The following SDK1 variants were observed in gnomAD, a reference collection of about 807,000 sequenced individuals.
SDK1 encodes protein sidekick-1.
Under a neutral mutation model 245.5 loss-of-function variants are expected in SDK1, and 157 were observed. The observed-to-expected ratio is 0.64, with a 90% CI of 0.56 to 0.73. The LOEUF (loss-of-function observed/expected upper bound fraction) is 0.73. Ranked by LOEUF, SDK1 falls within the 30% of genes least tolerant of loss-of-function variation. The probability of loss-of-function intolerance (pLI) is 0.00; values close to 1 mark genes in which losing one functional copy is unlikely to be tolerated. For synonymous variants in SDK1, 1,647 were observed against 1,278.5 expected (o/e 1.29, Z -6.15); for missense variants, 3,583 against 3,002.3 (o/e 1.19, Z -4.52).
At position 3,478,434 on chromosome 7, in the gene SDK1, A is replaced by G. The variant is rs117529088; in HGVS notation, c.299-140646A>G. ...CAATTTGGGGAAAATTTTTGAGAAC[A>G]TAACTATGGTAATTATTAGAAAAAT... On this transcript the variant is annotated intron_variant, in intron 1 of 44. Transcript: ENST00000404826. 2.9e-3 allele frequency among the ~76,000 whole-genome samples: 449 copies of G among 152,240 alleles called. 3 individuals are homozygous for G. The East Asian group carries it at 0.038, about 13-fold the overall frequency.
At chr7:3,500,503 GAAGTT>G (rs1782163204) in intron 1 of SDK1, among the ~76,000 whole-genome samples, 1 of 152,096 alleles carries the variant, frequency 6.6e-6, no homozygotes, top group Non-Finnish European at 1.5e-5. Flanking sequence ...TTGCTGTTGA[GAAGTT>G]AAGAGTCATT....
intron 1 of SDK1, among the ~76,000 whole-genome samples, chr7:3,406,550 C>G (rs1220851423): frequency 1.3e-5 from 2 of 152,116 alleles, no homozygotes; most frequent in East Asian, 1.9e-4. Flanking sequence ...TCTACTTGAG[C>G]TTTGGTTAGT....
intron 1 of SDK1, among the ~76,000 whole-genome samples, chr7:3,536,214 A>G (rs2141824): frequency 0.25 from 37,788 of 149,940 alleles, 4,990 homozygotes; most frequent in East Asian, 0.33. Flanking sequence ...CCGCCACCAC[A>G]CCCAGCTAAT....
intron 35 of SDK1, among the ~76,000 whole-genome samples, chr7:4,187,932 A>G (rs1156631748): frequency 1.3e-5 from 2 of 148,776 alleles, no homozygotes; most frequent in African/African-American, 4.9e-5. Context: ...GGTTGAACGG[A>G]CTCCCAGTTC....
chr7:4,224,459 C>T (rs796080926), intron 40 of SDK1, among the ~76,000 whole-genome samples: 71 of 152,272 alleles, frequency 4.7e-4, no homozygotes, highest in African/African-American at 1.6e-3. Flanking sequence ...ATTGTAAGAA[C>T]AGCACCAAAG....
At chr7:3,834,554 G>A (rs577980691) in intron 5 of SDK1, among the ~76,000 whole-genome samples, 2 of 152,308 alleles carry the variant, frequency 1.3e-5, no homozygotes, top group South Asian at 2.1e-4. Context: ...TTAGGAAAAG[G>A]GGGTTGGGGT....
chr7:3,609,688 C>T (rs929383168), intron 1 of SDK1, among the ~76,000 whole-genome samples: 3 of 147,822 alleles, frequency 2.0e-5, no homozygotes, highest in South Asian at 2.2e-4. Context: ...GCGTAAGCTA[C>T]GGTGCCCAGC....
chr7:3,987,281 A>G lies in SDK1; in HGVS notation c.2090A>G (p.Asn697Ser). Residue 697 changes from asparagine to serine, a missense_variant, in exon 14 of 45, where the codon AAC becomes AGC. Physicochemically the swap from Asn to Ser is conservative, Grantham distance 46. Coordinates refer to ENST00000404826, the MANE Select transcript of SDK1 (RefSeq NM_152744.4). ...TCTTGGGTCCGGCCCTTTGATGGAA[A>G]CAGTCCTATTCTTTATTACATCGTG... Reference protein sequence around the residue: ...VLSWVRPFDGNSPILYYIVEL... With the variant: ...VLSWVRPFDGSSPILYYIVEL... 6.2e-7 allele frequency: 1 copy of G among 1,614,070 alleles called. No individual in the cohort carries two copies. The highest frequency in any genetic ancestry group is 8.5e-7 in the Non-Finnish European group (1 of 1,179,972).
intron 5 of SDK1, among the ~76,000 whole-genome samples, chr7:3,858,224 A>G (rs1780593732): frequency 6.6e-6 from 1 of 152,170 alleles, no homozygotes; most frequent in African/African-American, 2.4e-5. Context: ...ATTGCTAAAC[A>G]GTACATATAA....
intron 1 of SDK1, among the ~76,000 whole-genome samples, chr7:3,558,273 A>G (rs1392497656): frequency 2.0e-5 from 3 of 152,246 alleles, no homozygotes; most frequent in Non-Finnish European, 2.9e-5. Flanking sequence ...GGAGGGGACA[A>G]GAGAGCTCTA....
At chr7:3,686,556 A>G (rs1352829986) in intron 4 of SDK1, among the ~76,000 whole-genome samples, 4 of 152,244 alleles carry the variant, frequency 2.6e-5, no homozygotes, top group African/African-American at 9.6e-5. Flanking sequence ...AGGACAGTCA[A>G]TGTGGGAAAG....
At chr7:3,718,197 G>A (rs905294044) in intron 4 of SDK1, among the ~76,000 whole-genome samples, 10 of 152,056 alleles carry the variant, frequency 6.6e-5, no homozygotes, top group African/African-American at 1.4e-4. Context: ...CAGAAAAAGC[G>A]TTTGATAAAA....
At chr7:4,242,193 G>C (rs1316711466) in intron 43 of SDK1, among the ~76,000 whole-genome samples, 1 of 152,216 alleles carries the variant, frequency 6.6e-6, no homozygotes, top group Non-Finnish European at 1.5e-5. Flanking sequence ...GGGGCTGCCA[G>C]GCTGGCCTTC....
chr7:3,657,252 A>G lies in SDK1; in HGVS notation c.713+15147A>G, dbSNP rs115230275. ...AAACTGGAAAGATCAAGGCAGTCGT[A>G]CAAAGACAGGGCAAAACATGCTAAA... is the stretch of plus-strand genomic sequence containing the variant. On this transcript the variant is annotated intron_variant, in intron 4 of 44. Coordinates refer to ENST00000404826, the MANE Select transcript of SDK1 (RefSeq NM_152744.4). 7.1e-3 allele frequency among the ~76,000 whole-genome samples: 1,078 copies of G among 152,284 alleles called. 15 individuals carry two copies. Among genetic ancestry groups the G allele is most frequent in the African/African-American group, 0.024 (1,005 of 41,562 alleles).
At chr7:3,457,214 G>A in intron 1 of SDK1, among the ~76,000 whole-genome samples, 1 of 152,164 alleles carries the variant, frequency 6.6e-6, no homozygotes, top group East Asian at 1.9e-4. Context: ...TTGGTTGTTT[G>A]TAGGTCAGGA....
At chr7:3,391,079 G>C (rs1781737108) in intron 1 of SDK1, among the ~76,000 whole-genome samples, 1 of 151,968 alleles carries the variant, frequency 6.6e-6, no homozygotes, top group African/African-American at 2.4e-5. Flanking sequence ...TTTTATACCA[G>C]GTCACATTTA....
Position 4,031,946 on chromosome 7 carries a change from G to A in SDK1, c.2602+14594G>A, listed in dbSNP as rs369627306. ...GGAGGCTGAGTCAGGAGAATCGCTT[G>A]AACCTGAGAGGCAGAGGTTGCAGTG... On this transcript the variant is annotated intron_variant, in intron 17 of 44. Coordinates refer to ENST00000404826, the MANE Select transcript of SDK1 (RefSeq NM_152744.4). 3.7e-3 allele frequency among the ~76,000 whole-genome samples: 557 copies of A among 150,676 alleles called. 6 individuals carry two copies. In the South Asian group the frequency reaches 0.04, roughly 11 times the overall value.
At chr7:3,900,833 C>G (rs139776074) in intron 5 of SDK1, among the ~76,000 whole-genome samples, 3 of 152,194 alleles carry the variant, frequency 2.0e-5, no homozygotes, top group Non-Finnish European at 4.4e-5. Context: ...CCCTAATACT[C>G]CAGCGATCTT....
At chr7:4,038,907 C>T (rs769972705) in intron 17 of SDK1, among the ~76,000 whole-genome samples, 29 of 152,064 alleles carry the variant, frequency 1.9e-4, no homozygotes, top group South Asian at 1.7e-3. Flanking sequence ...TCATTAAATA[C>T]GACATTGAGA....
Sources: allele counts gnomAD v4.1 joint callset (sites outside exome capture counted in the v4.1 genomes callset), GRCh38; gene constraint gnomAD v4.1.1; transcripts MANE v1.5; gene names NCBI Gene and HGNC (gene_info 2026-07-23, HGNC 2026-07-21).